Variants in ROR1 observed in about 807,000 individuals in gnomAD.
ROR1 encodes ROR family WNT receptor 1, also known as inactive tyrosine-protein kinase transmembrane receptor ROR1.
Under a neutral mutation model 78.8 loss-of-function variants are expected in ROR1, and 19 were observed. That is an observed-to-expected ratio of 0.24 (90% confidence interval 0.17 to 0.35). ROR1 has a LOEUF of 0.35. Among genes scored for constraint, ROR1 ranks in the 10% least tolerant of loss-of-function variants. ROR1 has a pLI of 1.00. For missense variants in ROR1, 917 were observed against 1,177.8 expected (o/e 0.78, Z 3.24); for synonymous variants, 386 against 433.6 (o/e 0.89, Z 1.36).
intron 1 of ROR1, among the ~76,000 whole-genome samples, chr1:63,792,899 TA>T (rs1251344708): frequency 2.6e-5 from 4 of 152,344 alleles, no homozygotes; most frequent in African/African-American, 9.6e-5. Flanking sequence ...GACTGTGAGA[TA>T]AAGTTGGTGC....
chr1:63,887,354 A>C (rs1326077930), intron 1 of ROR1, among the ~76,000 whole-genome samples: 2 of 152,112 alleles, frequency 1.3e-5, no homozygotes, highest in Non-Finnish European at 2.9e-5. Context: ...GCTTATTTTG[A>C]ATACATGAGG....
chr1:63,951,255 C>T (rs570481301), intron 1 of ROR1, among the ~76,000 whole-genome samples: 18 of 152,240 alleles, frequency 1.2e-4, no homozygotes, highest in African/African-American at 4.1e-4. Context: ...TGGGAGGTGG[C>T]TGTTGGGCTT....
chr1:63,982,729 G>A (rs946358130), intron 1 of ROR1, among the ~76,000 whole-genome samples: 4 of 152,130 alleles, frequency 2.6e-5, no homozygotes, highest in African/African-American at 9.7e-5. Flanking sequence ...CTTTCAAGGA[G>A]TTGAATGGGA....
intron 4 of ROR1, among the ~76,000 whole-genome samples, chr1:64,133,220 C>T (rs1398285760): frequency 1.3e-5 from 2 of 152,108 alleles, no homozygotes; most frequent in Admixed American, 6.6e-5. Flanking sequence ...TGGGTCAAGC[C>T]ATGTCCGCAT....
intron 8 of ROR1, among the ~76,000 whole-genome samples, chr1:64,162,362 A>T (rs1447351579): frequency 6.6e-6 from 1 of 152,244 alleles, no homozygotes; most frequent in Non-Finnish European, 1.5e-5. Flanking sequence ...GAGAGAGGAC[A>T]ATAGGGAGCT....
intron 1 of ROR1, among the ~76,000 whole-genome samples, chr1:63,981,963 CTCTTTT>C (rs953506390): frequency 5.9e-5 from 9 of 151,904 alleles, no homozygotes; most frequent in Non-Finnish European, 8.8e-5. Context: ...TTTTTGTTTT[CTCTTTT>C]TAAGGCTGTT....
intron 1 of ROR1, among the ~76,000 whole-genome samples, chr1:63,923,879 C>T (rs552141328): frequency 6.6e-6 from 1 of 151,746 alleles, no homozygotes; most frequent in Non-Finnish European, 1.5e-5. Context: ...GTCATGACGG[C>T]CTTCTTTTTC....
intron 1 of ROR1, among the ~76,000 whole-genome samples, chr1:63,953,150 T>C (rs922076718): frequency 5.3e-5 from 8 of 152,232 alleles, no homozygotes; most frequent in African/African-American, 1.9e-4. Flanking sequence ...AATACTCCAA[T>C]GTGCCAAGTG....
chr1:64,089,198 T>G (rs1302793704), intron 4 of ROR1, among the ~76,000 whole-genome samples: 5 of 122,940 alleles, frequency 4.1e-5, no homozygotes, highest in African/African-American at 1.7e-4. Context: ...ACAATAATAG[T>G]AAAATAATCG....
intron 1 of ROR1, among the ~76,000 whole-genome samples, chr1:63,983,064 A>G (rs942094479): frequency 1.3e-5 from 2 of 152,210 alleles, no homozygotes; most frequent in Admixed American, 6.5e-5. Flanking sequence ...ATTTGCAAAC[A>G]ACATAAGAAT....
At chr1:63,985,901 A>T (rs1646246867) in intron 1 of ROR1, among the ~76,000 whole-genome samples, 1 of 152,086 alleles carries the variant, frequency 6.6e-6, no homozygotes, top group Non-Finnish European at 1.5e-5. Flanking sequence ...AACACTTCTA[A>T]TTGCAAGATT....
intron 7 of ROR1, among the ~76,000 whole-genome samples, chr1:64,153,862 A>G (rs1456870145): frequency 3.3e-5 from 5 of 152,238 alleles, no homozygotes; most frequent in African/African-American, 1.2e-4. Context: ...ATTGAAATGT[A>G]AAATTAAAAA....
intron 4 of ROR1, among the ~76,000 whole-genome samples, chr1:64,136,506 G>A (rs189718433): frequency 1.3e-5 from 2 of 152,080 alleles, no homozygotes; most frequent in Non-Finnish European, 2.9e-5. Context: ...TGTGCTCATC[G>A]TAGGCCCTCG....
intron 1 of ROR1, among the ~76,000 whole-genome samples, chr1:63,870,235 C>T (rs1248308629): frequency 1.3e-5 from 2 of 152,162 alleles, no homozygotes; most frequent in African/African-American, 2.4e-5. Context: ...TTCATGTATG[C>T]TCTCAAGTTT....
intron 2 of ROR1, among the ~76,000 whole-genome samples, chr1:64,013,672 A>G (rs1383886829): frequency 6.6e-6 from 1 of 152,238 alleles, no homozygotes; most frequent in Non-Finnish European, 1.5e-5. Flanking sequence ...AGGAAGAGAC[A>G]GATGATTAAC....
At chr1:63,806,217 A>G (rs913226888) in intron 1 of ROR1, among the ~76,000 whole-genome samples, 2 of 152,052 alleles carry the variant, frequency 1.3e-5, no homozygotes, top group African/African-American at 2.4e-5. Flanking sequence ...AACTTGTTAC[A>G]TAGCCTGGTC....
chr1:63,924,556 A>C (rs180851422), intron 1 of ROR1, among the ~76,000 whole-genome samples: 6 of 152,114 alleles, frequency 3.9e-5, no homozygotes, highest in Non-Finnish European at 7.3e-5. Flanking sequence ...CATACAGCCT[A>C]CTGCCTCCCG....
chr1:63,890,750 G>A (rs1372680954), intron 1 of ROR1, among the ~76,000 whole-genome samples: 1 of 152,046 alleles, frequency 6.6e-6, no homozygotes, highest in Non-Finnish European at 1.5e-5. Context: ...GTGAGAGACA[G>A]CCTGGTCCAT....
chr1:64,060,879 A>C lies in ROR1; in HGVS notation c.482+10163A>C, dbSNP rs571509835. 7.2e-5 allele frequency among the ~76,000 whole-genome samples: 11 copies of C among 152,354 alleles called. No individual in the cohort carries two copies. In the South Asian group the frequency reaches 2.3e-3, roughly 32 times the overall value. On this transcript the variant is annotated intron_variant, in intron 4 of 8. Transcript: ENST00000371079. Reference sequence around the variant, plus strand: ...AGCTCTTATGTACCAATCCACCCCCATCACTCAACAATCCCCACTGTATGA... The same window carrying C: ...AGCTCTTATGTACCAATCCACCCCCCTCACTCAACAATCCCCACTGTATGA...
Sources: gnomAD v4.1 joint callset for allele counts (sites outside exome capture counted in the v4.1 genomes callset) on GRCh38, gnomAD v4.1.1 for gene constraint, MANE v1.5 for transcripts, NCBI Gene and HGNC (gene_info 2026-07-23, HGNC 2026-07-21) for gene names.